PSD3: variants seen among roughly 807,000 people sequenced by gnomAD.
PSD3 encodes the protein pleckstrin and Sec7 domain containing 3.
PSD3 carries 49 observed loss-of-function variants against 105.5 expected under a neutral mutation model. The observed-to-expected ratio is 0.46, with a 90% CI of 0.37 to 0.59. PSD3 has a LOEUF of 0.59. Among genes scored for constraint, PSD3 ranks in the 20% least tolerant of loss-of-function variants. The pLI is 0.00. For missense variants in PSD3, 1,561 were observed against 1,263.8 expected (o/e 1.24, Z -3.57); for synonymous variants, 557 against 457.8 (o/e 1.22, Z -2.77).
rs1437687748 is a variant in PSD3, at chr8:18,530,383, T to C, written c.*5360A>G. The C allele has an allele frequency of 6.6e-6, 1 of 152,418 alleles. No homozygotes were observed. Among genetic ancestry groups the C allele is most frequent in the African/African-American group, 2.4e-5 (1 of 41,456 alleles). 9.4% of individuals were successfully genotyped at this position (152,418 alleles called of 1,614,324 possible). ...ATGCTAATTTCTGCAACTGCAAACC[T>C]AGGATACAGTACCCAATCCTGGGAT... On this transcript the variant is annotated 3_prime_UTR_variant, in exon 16 of 16. Transcript: ENST00000327040.
At chr8:18,880,831 G>A (rs1007659024) in intron 2 of PSD3, among the ~76,000 whole-genome samples, 1 of 152,042 alleles carries the variant, frequency 6.6e-6, no homozygotes, top group Non-Finnish European at 1.5e-5. Context: ...AGGGACTCAG[G>A]GACTTGTTAA....
At chr8:18,606,576 TA>T (rs1804850068) in intron 11 of PSD3, among the ~76,000 whole-genome samples, 1 of 152,158 alleles carries the variant, frequency 6.6e-6, no homozygotes, top group Non-Finnish European at 1.5e-5. Context: ...CTTCTTTTTA[TA>T]AGAAGGGAAG....
intron 2 of PSD3, among the ~76,000 whole-genome samples, chr8:18,909,310 T>G (rs1011143643): frequency 1.3e-5 from 2 of 152,156 alleles, no homozygotes; most frequent in African/African-American, 4.8e-5. Flanking sequence ...TTAACACCAC[T>G]GTCTTACCAA....
At chr8:18,549,592 G>A (rs904983595) in intron 15 of PSD3, among the ~76,000 whole-genome samples, 2 of 152,108 alleles carry the variant, frequency 1.3e-5, no homozygotes, top group African/African-American at 4.8e-5. Flanking sequence ...TCTTGTCTGT[G>A]GTATACGTCT....
intron 1 of PSD3, among the ~76,000 whole-genome samples, chr8:19,064,278 G>C (rs1163919113): frequency 6.6e-6 from 1 of 152,118 alleles, no homozygotes; most frequent in Non-Finnish European, 1.5e-5. Flanking sequence ...TACCTAAATA[G>C]AGTAATATTA....
At chr8:18,804,638 G>A (rs369938743) in intron 5 of PSD3, 36 bp from the exon 6 acceptor site, 3 of 1,611,124 alleles carry the variant, frequency 1.9e-6, no homozygotes, top group South Asian at 1.1e-5. Flanking sequence ...TTATTGAAAG[G>A]TAAACTATTT....
At chr8:18,564,710 G>A (rs142817863) in intron 14 of PSD3, among the ~76,000 whole-genome samples, 368 of 151,874 alleles carry the variant, frequency 2.4e-3, no homozygotes, top group Admixed American at 5.0e-3. Context: ...GGGTGGGGGC[G>A]CAGTGAAGGA....
chr8:19,000,440 G>T (rs1388500428), intron 1 of PSD3, among the ~76,000 whole-genome samples: 1 of 149,480 alleles, frequency 6.7e-6, no homozygotes, highest in African/African-American at 2.5e-5. Flanking sequence ...ACAATCAAAA[G>T]AATGAATGAA....
chr8:18,536,218 C>T (rs939681212), intron 15 of PSD3, among the ~76,000 whole-genome samples: 3 of 152,212 alleles, frequency 2.0e-5, no homozygotes, highest in Non-Finnish European at 2.9e-5. Flanking sequence ...CTTGGAGTTG[C>T]TGGCTACCAG....
intron 1 of PSD3, among the ~76,000 whole-genome samples, chr8:18,974,530 G>A (rs866078465): frequency 1.3e-5 from 2 of 152,084 alleles, no homozygotes; most frequent in Admixed American, 6.5e-5. Context: ...TGTGCCATTC[G>A]GCAAGAACTC....
chr8:19,003,050 A>G (rs550961996), intron 1 of PSD3, among the ~76,000 whole-genome samples: 11 of 152,112 alleles, frequency 7.2e-5, no homozygotes, highest in African/African-American at 2.6e-4. Context: ...TCTAACCACT[A>G]AATGTTGGTG....
chr8:18,744,027 T>C (rs1229099244), intron 9 of PSD3, among the ~76,000 whole-genome samples: 1 of 141,528 alleles, frequency 7.1e-6, no homozygotes, highest in Non-Finnish European at 1.5e-5. Flanking sequence ...GCTGCTCCCC[T>C]GACATCACCA....
chr8:18,611,244 G>A (rs575697944), intron 11 of PSD3, among the ~76,000 whole-genome samples: 72 of 129,856 alleles, frequency 5.5e-4, no homozygotes, highest in Middle Eastern at 4.0e-3. Context: ...TTTAATGTAG[G>A]ATTTTGGAAA....
In PSD3 at chr8:18,532,043, C is replaced by G. The variant is rs1799653939; in HGVS notation, c.*3700G>C. 1 of 152,116 alleles carries G rather than the reference C, an allele frequency of 6.6e-6. No individual in the cohort carries two copies. The highest frequency in any genetic ancestry group is 1.5e-5 in the Non-Finnish European group (1 of 68,022). The allele number at this position is 152,116 out of a possible 1,614,324, so 9.4% of individuals were successfully genotyped here. The stretch of plus-strand genomic sequence containing the variant: ...AATTTCAAGGACAATTAATGAAACC[C>G]AAAAGGTTTTGTTAGTAAGACAATG... On this transcript the variant is annotated 3_prime_UTR_variant, in exon 16 of 16. Coordinates refer to ENST00000327040, the MANE Select transcript of PSD3 (RefSeq NM_015310.4).
chr8:18,974,879 G>A (rs940591274), intron 1 of PSD3, among the ~76,000 whole-genome samples: 4 of 152,002 alleles, frequency 2.6e-5, no homozygotes, highest in Admixed American at 6.5e-5. Flanking sequence ...AGGGTGGACC[G>A]CAGTGCTAAT....
intron 9 of PSD3, among the ~76,000 whole-genome samples, chr8:18,664,957 C>G (rs977225739): frequency 6.6e-6 from 1 of 152,100 alleles, no homozygotes; most frequent in East Asian, 1.9e-4. Context: ...AGACCTATTG[C>G]TCAGAAAAAA....
intron 4 of PSD3, among the ~76,000 whole-genome samples, chr8:18,816,408 T>C (rs1044391112): frequency 2.6e-5 from 4 of 152,202 alleles, no homozygotes; most frequent in Non-Finnish European, 5.9e-5. Context: ...GCGGCTGCAG[T>C]TGTGCATTCA....
intron 12 of PSD3, among the ~76,000 whole-genome samples, chr8:18,589,683 C>CA (rs1803453238): frequency 6.6e-6 from 1 of 152,162 alleles, no homozygotes; most frequent in African/African-American, 2.4e-5. Flanking sequence ...GAAGGGGTGG[C>CA]AGGCACCAGA....
intron 4 of PSD3, among the ~76,000 whole-genome samples, chr8:18,823,776 ACACT>A (rs374244032): frequency 0.4 from 28,336 of 71,710 alleles, 3,365 homozygotes; most frequent in South Asian, 0.42. Flanking sequence ...TATCTTAAAC[ACACT>A]CACACACACA....
Sources: allele counts gnomAD v4.1 joint callset (sites outside exome capture counted in the v4.1 genomes callset), GRCh38; gene constraint gnomAD v4.1.1; transcripts MANE v1.5; gene names NCBI Gene and HGNC (gene_info 2026-07-23, HGNC 2026-07-21).